CBLB: variants seen among roughly 807,000 people sequenced by gnomAD.
CBLB encodes the protein E3 ubiquitin-protein ligase CBL-B.
A neutral mutation model predicts 104.9 loss-of-function variants in CBLB; 31 were observed. The ratio of observed to expected loss-of-function variants is 0.30; its 90% CI spans 0.22 to 0.40. The LOEUF (loss-of-function observed/expected upper bound fraction) is 0.40. CBLB is among the 10% of genes least tolerant of loss of function. The pLI, the probability that CBLB is intolerant of heterozygous loss-of-function variation, is 1.00. For synonymous variants in CBLB, 440 were observed against 422.6 expected (o/e 1.04, Z -0.51); for missense variants, 1,062 against 1,214.6 (o/e 0.87, Z 1.87).
chr3:105,766,360 G>GT, intron 4 of CBLB, among the ~76,000 whole-genome samples: 1 of 152,268 alleles, frequency 6.6e-6, no homozygotes, highest in African/African-American at 2.4e-5. Flanking sequence ...CAGTGGCAGG[G>GT]TTTGAGAGGA....
chr3:105,793,168 T>G (rs1440107777), intron 3 of CBLB, among the ~76,000 whole-genome samples: 3 of 152,032 alleles, frequency 2.0e-5, no homozygotes, highest in Admixed American at 2.0e-4. Flanking sequence ...GGTGGGATGT[T>G]GAATGCAACA....
chr3:105,726,838 T>C (rs552919754), intron 9 of CBLB, among the ~76,000 whole-genome samples: 1 of 152,332 alleles, frequency 6.6e-6, no homozygotes, highest in South Asian at 2.1e-4. Context: ...TTGCTGAGAA[T>C]GATGGCTTCC....
chr3:105,681,680 C>A, intron 15 of CBLB, 44 bp downstream of exon 15: 1 of 1,601,228 alleles, frequency 6.2e-7, no homozygotes, highest in East Asian at 2.2e-5. Flanking sequence ...TAAATTCTGA[C>A]CATTAAGATG....
chr3:105,702,474 GAGA>G lies in CBLB; in HGVS notation c.1594-18_1594-16del. 3 of 165,568 alleles carry G rather than the reference GAGA, an allele frequency of 1.8e-5. No homozygotes were observed. The highest frequency in any genetic ancestry group is 2.8e-5 in the Non-Finnish European group (3 of 105,758). 10.3% of individuals were successfully genotyped at this position (165,568 alleles called of 1,614,324 possible). On this transcript the variant is annotated splice_polypyrimidine_tract_variant and intron_variant, in intron 11 of 18. Transcript: ENST00000394030. ...CAAGGAGAAGACTAAAGAAACAGAA[GAGA>G]AAAAAAAAAAAAAAAAAAAAAACTA...
At chr3:105,716,613 G>A (rs957059276) in intron 10 of CBLB, among the ~76,000 whole-genome samples, 10 of 152,118 alleles carry the variant, frequency 6.6e-5, no homozygotes, top group African/African-American at 2.4e-4. Context: ...TGCTATAAAA[G>A]TCACAATCAG....
upstream of CBLB, chr3:105,869,025 T>C (rs978425494): frequency 2.6e-6 from 2 of 766,918 alleles, no homozygotes; most frequent in Middle Eastern, 6.0e-4. Context: ...CCCACCCCTG[T>C]GGCACACACA....
At chr3:105,768,917 C>G (rs2078529260) in intron 4 of CBLB, among the ~76,000 whole-genome samples, 1 of 152,164 alleles carries the variant, frequency 6.6e-6, no homozygotes, top group Non-Finnish European at 1.5e-5. Flanking sequence ...AATGTAGGAA[C>G]TGATCATTTA....
chr3:105,856,802 C>T (rs1031722148), intron 2 of CBLB, among the ~76,000 whole-genome samples: 1 of 152,106 alleles, frequency 6.6e-6, no homozygotes, highest in African/African-American at 2.4e-5. Context: ...GTGAAAATGG[C>T]TGACAGAGCT....
At chr3:105,865,165 C>A (rs1342617521) in intron 2 of CBLB, among the ~76,000 whole-genome samples, 1 of 152,064 alleles carries the variant, frequency 6.6e-6, no homozygotes, top group Non-Finnish European at 1.5e-5. Context: ...TGAGCCACTT[C>A]CTTCACCACT....
intron 16 of CBLB, among the ~76,000 whole-genome samples, chr3:105,679,225 C>T (rs2066007477): frequency 6.7e-6 from 1 of 150,348 alleles, no homozygotes; most frequent in Non-Finnish European, 1.5e-5. Flanking sequence ...CTTACATTTG[C>T]ATATTTCCCA....
Position 105,659,115 on chromosome 3 carries a change from T to C in CBLB, c.2804A>G (p.Lys935Arg), listed in dbSNP as rs751348955. 5 of 1,614,046 alleles carry C rather than the reference T, an allele frequency of 3.1e-6. No homozygotes were observed. In the Admixed American group the frequency reaches 6.7e-5, roughly 22 times the overall value. ...ACCCTCTCCCATGAGTTTTGCAATT[T>C]TTGCATCGACATTTTCCAATGCCGC... Reference protein sequence around the residue: ...PEAALENVDAKIAKLMGEGYA... With the variant: ...PEAALENVDARIAKLMGEGYA... The change falls in exon 19 of 19, where the codon AAA becomes AGA. Residue 935 changes from lysine (K) to arginine (R), a missense_variant. Around this residue, in one of 2 missense-constraint regions of CBLB, gnomAD observed 605 missense variants for 582.6 expected, o/e 1.04. Transcript: ENST00000394030.
intron 7 of CBLB, among the ~76,000 whole-genome samples, chr3:105,738,682 A>T (rs1207150664): frequency 6.6e-6 from 1 of 152,138 alleles, no homozygotes; most frequent in African/African-American, 2.4e-5. Context: ...GATAGGTTCT[A>T]CTTATAAATT....
intron 3 of CBLB, among the ~76,000 whole-genome samples, chr3:105,802,601 A>C (rs1215775112): frequency 6.6e-6 from 1 of 152,176 alleles, no homozygotes; most frequent in African/African-American, 2.4e-5. Flanking sequence ...CAAATCCTAA[A>C]AGCATCTACC....
chr3:105,847,489 T>C (rs2090415183), intron 3 of CBLB, among the ~76,000 whole-genome samples: 2 of 151,922 alleles, frequency 1.3e-5, no homozygotes, highest in Non-Finnish European at 1.5e-5. Context: ...TCAAAGGCTC[T>C]GAAATGACAT....
rs77145084 is a variant in CBLB at position 105,750,402 on chromosome 3, A to G, written c.723+1060T>C. Among the ~76,000 whole-genome samples, 5 of 152,318 alleles carry G rather than the reference A, an allele frequency of 3.3e-5. No homozygotes were observed. In the East Asian group the frequency reaches 9.6e-4, roughly 29 times the overall value. On this transcript the variant is annotated intron_variant, in intron 5 of 18. Coordinates refer to ENST00000394030, the MANE Select transcript of CBLB (RefSeq NM_170662.5). Reference sequence around the variant, plus strand: ...ATGTAACATGAAAAACATGAAATCAACATTATACTCTGATATTTGTTGAAA... The same window carrying G: ...ATGTAACATGAAAAACATGAAATCAGCATTATACTCTGATATTTGTTGAAA...
intron 3 of CBLB, among the ~76,000 whole-genome samples, chr3:105,837,835 C>G (rs1183442311): frequency 1.3e-5 from 2 of 152,044 alleles, no homozygotes; most frequent in Admixed American, 1.3e-4. Flanking sequence ...CAGAGTGTAC[C>G]TACAAATTCT....
chr3:105,785,840 TTTGCCAAG>T (rs1163992096), intron 3 of CBLB, among the ~76,000 whole-genome samples: 6 of 152,126 alleles, frequency 3.9e-5, no homozygotes, highest in Non-Finnish European at 8.8e-5. Flanking sequence ...CAAACACAAA[TTTGCCAAG>T]CAATTCCCAC....
chr3:105,764,211 C>T (rs567833323), intron 4 of CBLB, among the ~76,000 whole-genome samples: 1 of 152,174 alleles, frequency 6.6e-6, no homozygotes, highest in South Asian at 2.1e-4. Context: ...CAGGGGCACA[C>T]ACTATTAGTC....
intron 4 of CBLB, 59 bp from the exon 5 acceptor site, chr3:105,751,677 C>A (rs1229638898): frequency 1.3e-5 from 17 of 1,282,898 alleles, no homozygotes; most frequent in Non-Finnish European, 1.8e-5. Context: ...AGAAATACCT[C>A]CCTTTGAAGC....
Sources: allele counts gnomAD v4.1 joint callset (sites outside exome capture counted in the v4.1 genomes callset), GRCh38; gene constraint gnomAD v4.1.1; regional missense constraint gnomAD v4.1.1; transcripts MANE v1.5; gene names NCBI Gene and HGNC (gene_info 2026-07-23, HGNC 2026-07-21).